The following GNPNAT1 variants were observed in gnomAD, a reference collection of about 807,000 sequenced individuals.
GNPNAT1 encodes the protein glucosamine 6-phosphate N-acetyltransferase.
GNPNAT1 carries 11 observed loss-of-function variants against 19.8 expected under a neutral mutation model. That is an observed-to-expected ratio of 0.56 (90% CI 0.35 to 0.92). GNPNAT1 has a LOEUF of 0.92. Ranked by LOEUF, GNPNAT1 falls within the 40% of genes least tolerant of loss-of-function variation. The probability of loss-of-function intolerance (pLI) is 0.01; values close to 1 mark genes in which losing one functional copy is unlikely to be tolerated. For missense variants in GNPNAT1, 157 were observed against 211.0 expected (o/e 0.74, Z 1.59); for synonymous variants, 71 against 72.3 (o/e 0.98, Z 0.09).
chr14:52,779,052 C>T (rs1882815601), intron 5 of GNPNAT1, among the ~76,000 whole-genome samples: 1 of 151,460 alleles, frequency 6.6e-6, no homozygotes, highest in African/African-American at 2.4e-5. Context: ...CATGTTAACA[C>T]TAAAAACTCA....
At chr14:52,790,727 T>C (rs186090803) in intron 1 of GNPNAT1, among the ~76,000 whole-genome samples, 6 of 152,368 alleles carry the variant, frequency 3.9e-5, no homozygotes, top group Non-Finnish European at 8.8e-5. Flanking sequence ...CTGCCTAAAT[T>C]AATTTCTTAA....
At chr14:52,784,393 A>T (rs1436250476) in intron 2 of GNPNAT1, 104 bp downstream of exon 2, 1 of 922,606 alleles carries the variant, frequency 1.1e-6, no homozygotes, top group African/African-American at 1.7e-5. Context: ...TATTATACAA[A>T]AAATAGTCCA....
At position 52,776,716 on chromosome 14, in the gene GNPNAT1, T is replaced by C. The variant is rs934468442; in HGVS notation, c.*1595A>G. On this transcript the variant is annotated 3_prime_UTR_variant, in exon 6 of 6. Transcript: ENST00000216410. ...GATTACAGGCGCATGCCACCACGTCTGGCTAATTTTTCTTTTTTTTAGTAG... is the reference window on the plus strand; with the variant it reads ...GATTACAGGCGCATGCCACCACGTCCGGCTAATTTTTCTTTTTTTTAGTAG... 27 of 152,122 alleles carry C rather than the reference T, an allele frequency of 1.8e-4. No individual in the cohort carries two copies. Among genetic ancestry groups the C allele is most frequent in the African/African-American group, 6.5e-4 (27 of 41,426 alleles). 9.4% of individuals were successfully genotyped at this position (152,122 alleles called of 1,614,324 possible). A position where few individuals can be genotyped will look rare whatever the true frequency, so the allele number is the denominator to read the frequency against.
chr14:52,775,772 C>G lies in GNPNAT1; in HGVS notation c.*2539G>C, dbSNP rs921527975. 6.6e-6 allele frequency: 1 copy of G among 152,316 alleles called. No individual in the cohort carries two copies. The highest frequency in any genetic ancestry group is 1.5e-5 in the Non-Finnish European group (1 of 68,266). The allele number at this position is 152,316 out of a possible 1,614,324, so 9.4% of individuals were successfully genotyped here. The stretch of plus-strand genomic sequence containing the variant: ...TGGCACACACCTGTAGTTCCAGCTA[C>G]TGGGGAGGCTGAGGCAGGAGGGATG... On this transcript the variant is annotated 3_prime_UTR_variant, in exon 6 of 6. Transcript: ENST00000216410.
In GNPNAT1 at chr14:52,778,187, A is replaced by G; in HGVS notation, c.*124T>C. ...TTCTAAATGTCATTATACTTGTAGTATTACAATGTTTTTTCAGTCCAGTAT... is the reference window on the plus strand; with the variant it reads ...TTCTAAATGTCATTATACTTGTAGTGTTACAATGTTTTTTCAGTCCAGTAT... On this transcript the variant is annotated 3_prime_UTR_variant, in exon 6 of 6. Transcript: ENST00000216410. 3.2e-6 allele frequency: 2 copies of G among 634,890 alleles called. No homozygotes were observed. Among genetic ancestry groups the G allele is most frequent in the Non-Finnish European group, 5.2e-6 (2 of 382,074 alleles). 39.3% of individuals were successfully genotyped at this position (634,890 alleles called of 1,614,324 possible). A position where few individuals can be genotyped will look rare whatever the true frequency, so the allele number is the denominator to read the frequency against.
chr14:52,779,714 T>C (rs1470468202), intron 5 of GNPNAT1, among the ~76,000 whole-genome samples: 5 of 61,488 alleles, frequency 8.1e-5, no homozygotes, highest in Non-Finnish European at 1.4e-4. Context: ...CAGAAAGAGA[T>C]CCCATCTCTT....
At chr14:52,790,626 G>C (rs1244432618) in intron 1 of GNPNAT1, among the ~76,000 whole-genome samples, 3 of 152,054 alleles carry the variant, frequency 2.0e-5, no homozygotes, top group Non-Finnish European at 2.9e-5. Flanking sequence ...CCTCGTTTTC[G>C]CATCTTGAGC....
intron 1 of GNPNAT1, among the ~76,000 whole-genome samples, chr14:52,790,479 C>T (rs1883144905): frequency 6.6e-6 from 1 of 152,150 alleles, no homozygotes; most frequent in Admixed American, 6.6e-5. Context: ...CATGAATGTT[C>T]AAAAGTATTT....
At position 52,780,634 on chromosome 14, in the gene GNPNAT1, T is replaced by C. The variant is rs376927301; in HGVS notation, c.407+45A>G. 52 of 1,289,442 alleles carry C rather than the reference T, an allele frequency of 4.0e-5. 1 individual carries two copies. In the South Asian group the frequency reaches 5.0e-4, roughly 12 times the overall value. 79.9% of individuals were successfully genotyped at this position (1,289,442 alleles called of 1,614,324 possible). Reference sequence around the variant, plus strand: ...ACAAGTATCTTGTTAAGAAACTAAATTGGAACAAAATTTATCCAGGGTTAC... The same window carrying C: ...ACAAGTATCTTGTTAAGAAACTAAACTGGAACAAAATTTATCCAGGGTTAC... On this transcript the variant is annotated intron_variant, in intron 5 of 5. Transcript: ENST00000216410.
At chr14:52,790,916 C>T (rs1320788803) in intron 1 of GNPNAT1, among the ~76,000 whole-genome samples, 1 of 152,182 alleles carries the variant, frequency 6.6e-6, no homozygotes, top group East Asian at 1.9e-4. Flanking sequence ...GAAAAAGAGA[C>T]AAAGAATGTC....
rs1428580441 is a variant in GNPNAT1 at position 52,791,501 on chromosome 14, A to T, written c.-88T>A. The T allele has an allele frequency of 6.6e-6, 1 of 152,450 alleles. No homozygotes were observed. The highest frequency in any genetic ancestry group is 2.4e-5 in the African/African-American group (1 of 41,424). 9.4% of individuals were successfully genotyped at this position (152,450 alleles called of 1,614,324 possible). A position where few individuals can be genotyped will look rare whatever the true frequency, so the allele number is the denominator to read the frequency against. ...CCCCCACCAGTGTGCACAGCACCGG[A>T]TCCGGATCCGGCTTCAGCGCCAGCC... On this transcript the variant is annotated 5_prime_UTR_variant, in exon 1 of 6. Transcript: ENST00000216410. This position sits in a 1 kb window ranked among gnomAD's most constrained non-coding sequence, Gnocchi z 4.1.
At chr14:52,781,180 A>T (rs1882885864) in intron 4 of GNPNAT1, among the ~76,000 whole-genome samples, 1 of 152,182 alleles carries the variant, frequency 6.6e-6, no homozygotes, top group African/African-American at 2.4e-5. Context: ...CAGGATCAAC[A>T]TCACCAAAAT....
At position 52,780,678 on chromosome 14, in the gene GNPNAT1, C is replaced by G. The variant is rs764695387; in HGVS notation, c.407+1G>C. The G allele has an allele frequency of 1.8e-5, 28 of 1,595,952 alleles. No homozygotes were observed. The highest frequency in any genetic ancestry group is 2.3e-5 in the Non-Finnish European group (27 of 1,164,492). ...GGGTTACCTTGTTTCTGCCTACTTA[C>G]AATTTGCCAAGCTGCTTTCCTCTGC... is the stretch of plus-strand genomic sequence containing the variant. On this transcript the variant is annotated splice_donor_variant, in intron 5 of 5. Coordinates refer to ENST00000216410, the MANE Select transcript of GNPNAT1 (RefSeq NM_198066.4). LOFTEE classifies it high-confidence loss of function.
At chr14:52,784,688 A>C in intron 1 of GNPNAT1, 24 bp from the exon 2 acceptor site, 2 of 1,058,724 alleles carry the variant, frequency 1.9e-6, no homozygotes, top group East Asian at 5.3e-5. Flanking sequence ...TTGAATATTA[A>C]GTCACTTTAT....
chr14:52,784,911 C>G (rs1882976004), intron 1 of GNPNAT1, among the ~76,000 whole-genome samples: 1 of 149,528 alleles, frequency 6.7e-6, no homozygotes, highest in African/African-American at 2.5e-5. Context: ...TATAAAATCC[C>G]ATTTATTATC....
At chr14:52,786,857 A>ATTTTTTT (rs567085170) in intron 1 of GNPNAT1, among the ~76,000 whole-genome samples, 10 of 98,688 alleles carry the variant, frequency 1.0e-4, no homozygotes, top group Admixed American at 3.7e-4. Flanking sequence ...CAGGTTTTGG[A>ATTTTTTT]TTTTTTTTTT....
chr14:52,787,202 ACAATTTGCCCAATAACCTAACCCC>A (rs1398183174), intron 1 of GNPNAT1, among the ~76,000 whole-genome samples: 1 of 152,078 alleles, frequency 6.6e-6, no homozygotes, highest in Non-Finnish European at 1.5e-5. Flanking sequence ...TAATGAGAGA[ACAATTTGCCCAATAACCTAACCCC>A]CAATTGTTCC....
At chr14:52,785,380 GA>G (rs911654519) in intron 1 of GNPNAT1, among the ~76,000 whole-genome samples, 66 of 152,010 alleles carry the variant, frequency 4.3e-4, no homozygotes, top group African/African-American at 1.5e-3. Flanking sequence ...ATTGCAAGGG[GA>G]AAAAAATTTT....
intron 1 of GNPNAT1, among the ~76,000 whole-genome samples, chr14:52,790,671 A>G (rs2139978279): frequency 6.6e-6 from 1 of 152,260 alleles, no homozygotes; most frequent in East Asian, 1.9e-4. Flanking sequence ...CAATCTTTAC[A>G]TCATCATACC....
Sources: allele counts gnomAD v4.1 joint callset (sites outside exome capture counted in the v4.1 genomes callset), GRCh38; gene constraint gnomAD v4.1.1; non-coding constraint Gnocchi (gnomAD v3.1); transcripts MANE v1.5; gene names NCBI Gene and HGNC (gene_info 2026-07-23, HGNC 2026-07-21).